The following NRG4 variants were observed in gnomAD, a reference collection of about 807,000 sequenced individuals.
NRG4 encodes the protein neuregulin 4, also known as pro-neuregulin-4, membrane-bound isoform.
Under a neutral mutation model 15.0 loss-of-function variants are expected in NRG4, and 10 were observed. That is an observed-to-expected ratio of 0.67 (90% CI 0.41 to 1.13). The LOEUF is 1.13. Among genes scored for constraint, NRG4 ranks in the 50% most tolerant of loss-of-function variants. The pLI is 0.00. For missense variants in NRG4, 139 were observed against 140.2 expected, an observed-to-expected ratio of 0.99 and a Z score of 0.04; for synonymous variants, 41 against 50.1, an observed-to-expected ratio of 0.82 and a Z score of 0.77.
downstream of NRG4, chr15:75,938,493 A>G (rs1254242060): frequency 6.6e-6 from 1 of 152,222 alleles, no homozygotes; most frequent in African/African-American, 2.4e-5. Context: ...CTTTAACTCA[A>G]ATATGCCCAA....
chr15:76,010,522 C>A (rs2034770508), intron 2 of NRG4, among the ~76,000 whole-genome samples: 1 of 151,982 alleles, frequency 6.6e-6, no homozygotes, highest in South Asian at 2.1e-4. Context: ...TGAGAAAATC[C>A]TGTTTCAGCA....
At chr15:76,005,512 C>T (rs746250723) in intron 3 of NRG4, among the ~76,000 whole-genome samples, 1 of 151,328 alleles carries the variant, frequency 6.6e-6, no homozygotes, top group Admixed American at 6.6e-5. Context: ...ATGGCGAAAC[C>T]CCGCCTGTAC....
At chr15:75,973,841 G>C (rs890289294) in intron 3 of NRG4, among the ~76,000 whole-genome samples, 15 of 152,070 alleles carry the variant, frequency 9.9e-5, no homozygotes, top group African/African-American at 3.4e-4. Context: ...TTTTTATTGT[G>C]TCTCTGCCAG....
chr15:76,038,935 A>C (rs1177782975), intron 4 of NRG4, among the ~76,000 whole-genome samples: 1 of 152,184 alleles, frequency 6.6e-6, no homozygotes, highest in South Asian at 2.1e-4. Context: ...TGTTTGGGAG[A>C]AAGTAAGGGA....
intron 5 of NRG4, among the ~76,000 whole-genome samples, chr15:75,953,592 G>T: frequency 6.6e-6 from 1 of 152,144 alleles, no homozygotes; most frequent in East Asian, 1.9e-4. Context: ...TTTAAGGTGT[G>T]TTATTTCTGA....
Position 75,943,458 on chromosome 15 carries a change from G to A in NRG4, c.*180C>T, listed in dbSNP as rs992728753. On this transcript the variant is annotated 3_prime_UTR_variant, in exon 6 of 6. Coordinates refer to ENST00000394907, the MANE Select transcript of NRG4 (RefSeq NM_138573.4). ...CCTACTTAGCAGTTGCCGATGGACT[G>A]ATGCACATTACAGAAGCACACACAC... 8.6e-6 allele frequency: 5 copies of A among 581,508 alleles called. No individual in the cohort carries two copies. Among genetic ancestry groups the A allele is most frequent in the Non-Finnish European group, 1.2e-5 (4 of 328,938 alleles). The allele number at this position is 581,508 out of a possible 1,614,324, so 36.0% of individuals were successfully genotyped here.
At chr15:76,011,917 G>A (rs1164325769) in intron 1 of NRG4, 1 of 152,058 alleles carries the variant, frequency 6.6e-6, no homozygotes, top group Admixed American at 6.6e-5. Flanking sequence ...ATCTGGCAAA[G>A]CAATGTAGCT....
chr15:76,025,300 G>A (rs1168365300), intron 5 of NRG4, among the ~76,000 whole-genome samples: 22 of 152,202 alleles, frequency 1.4e-4, no homozygotes, highest in Middle Eastern at 3.4e-3. Context: ...TTAGCTGGGC[G>A]TGGTGGCGGG....
chr15:76,051,228 A>C (rs898026693), intron 4 of NRG4, among the ~76,000 whole-genome samples: 4 of 148,830 alleles, frequency 2.7e-5, no homozygotes, highest in Non-Finnish European at 5.9e-5. Flanking sequence ...GATGGTCTCG[A>C]TCTCCTGACC....
intron 5 of NRG4, among the ~76,000 whole-genome samples, chr15:75,946,443 C>T (rs890726813): frequency 3.0e-4 from 45 of 152,270 alleles, no homozygotes; most frequent in African/African-American, 1.7e-4. Flanking sequence ...CTGCAAGCTC[C>T]GCCTCCCGGG....
chr15:75,991,570 A>G (rs2034019196), intron 3 of NRG4, among the ~76,000 whole-genome samples: 1 of 151,740 alleles, frequency 6.6e-6, no homozygotes, highest in Non-Finnish European at 1.5e-5. Flanking sequence ...TTTTTCTATC[A>G]TTATCAATTA....
chr15:75,966,728 A>T (rs1048271451), intron 3 of NRG4, among the ~76,000 whole-genome samples: 2 of 140,580 alleles, frequency 1.4e-5, no homozygotes, highest in African/African-American at 2.9e-5. Context: ...CTCTGTGTCA[A>T]TCAAAGTTCA....
In NRG4 at chr15:75,956,019, T is replaced by C; in HGVS notation, c.252-8A>G. 1 of 1,561,588 alleles carries C rather than the reference T, an allele frequency of 6.4e-7. No individual in the cohort carries two copies. The highest frequency in any genetic ancestry group is 8.8e-7 in the Non-Finnish European group (1 of 1,133,092). On this transcript the variant is annotated splice_region_variant and splice_polypyrimidine_tract_variant and intron_variant, in intron 4 of 5. Coordinates refer to ENST00000394907, the MANE Select transcript of NRG4 (RefSeq NM_138573.4). Reference sequence around the variant, plus strand: ...CTCTGAAAGTGGCCTTTCCTGACAATAAAGAGGAGAGAAACACAAAAATGG... The same window carrying C: ...CTCTGAAAGTGGCCTTTCCTGACAACAAAGAGGAGAGAAACACAAAAATGG...
chr15:76,009,431 G>A, intron 2 of NRG4, 138 bp from the exon 3 acceptor site: 1 of 539,612 alleles, frequency 1.9e-6, no homozygotes, highest in South Asian at 2.8e-5. Context: ...CAAAATGAAA[G>A]ATTTAATTCT....
At chr15:76,011,397 T>G (rs146856672) in intron 1 of NRG4, 111 bp from the exon 2 acceptor site, 1 of 546,436 alleles carries the variant, frequency 1.8e-6, no homozygotes, top group Non-Finnish European at 2.8e-6. Context: ...AATAAAATAA[T>G]AAAGACATTT....
At chr15:76,034,155 G>A (rs1404058651) in intron 5 of NRG4, among the ~76,000 whole-genome samples, 2 of 152,094 alleles carry the variant, frequency 1.3e-5, no homozygotes, top group Non-Finnish European at 2.9e-5. Flanking sequence ...GTGCAAATAC[G>A]GCAATTCCTA....
chr15:75,999,061 G>A (rs1383348245), intron 3 of NRG4, among the ~76,000 whole-genome samples: 1 of 152,138 alleles, frequency 6.6e-6, no homozygotes, highest in African/African-American at 2.4e-5. Context: ...CACACCAAAG[G>A]AAAACGGAGT....
intron 3 of NRG4, among the ~76,000 whole-genome samples, chr15:75,982,622 C>T (rs1412287618): frequency 6.6e-6 from 1 of 152,156 alleles, no homozygotes; most frequent in Non-Finnish European, 1.5e-5. Context: ...GGGGAGGTCA[C>T]GCTAGTTTGG....
chr15:75,942,069 C>T lies in NRG4; in HGVS notation c.*1569G>A, dbSNP rs1247392281. 3 of 145,536 alleles carry T rather than the reference C, an allele frequency of 2.1e-5. No individual in the cohort carries two copies. The highest frequency in any genetic ancestry group is 4.5e-5 in the Non-Finnish European group (3 of 67,242). The allele number at this position is 145,536 out of a possible 1,614,324, so 9.0% of individuals were successfully genotyped here. ...ATATTGCTAAGTGAAAGAAGTTAGTCTGAAAGGCTACATACTACATGATTT... is the reference window on the plus strand; with the variant it reads ...ATATTGCTAAGTGAAAGAAGTTAGTTTGAAAGGCTACATACTACATGATTT... On this transcript the variant is annotated 3_prime_UTR_variant, in exon 6 of 6. Coordinates refer to ENST00000394907, the MANE Select transcript of NRG4 (RefSeq NM_138573.4).
Sources: allele counts gnomAD v4.1 joint callset (sites outside exome capture counted in the v4.1 genomes callset), GRCh38; gene constraint gnomAD v4.1.1; transcripts MANE v1.5; gene names NCBI Gene and HGNC (gene_info 2026-07-23, HGNC 2026-07-21).